The following LRRC4C variants were observed in gnomAD, a reference collection of about 807,000 sequenced individuals.
LRRC4C encodes leucine rich repeat containing 4C.
A neutral mutation model predicts 33.6 loss-of-function variants in LRRC4C; 5 were observed. The observed-to-expected ratio is 0.15, with a 90% CI of 0.08 to 0.31. The LOEUF is 0.31. Among genes scored for constraint, LRRC4C ranks in the 10% least tolerant of loss-of-function variants. The pLI, the probability that LRRC4C is intolerant of heterozygous loss-of-function variation, is 1.00. For missense variants in LRRC4C, 560 were observed against 796.7 expected, an observed-to-expected ratio of 0.70 and a Z score of 3.58; for synonymous variants, 329 against 302.0, an observed-to-expected ratio of 1.09 and a Z score of -0.93.
rs181081935 is a variant in LRRC4C at position 40,891,469 on chromosome 11, C to T, written c.-407+42166G>A. Among the ~76,000 whole-genome samples, 39 of 152,122 alleles carry T rather than the reference C, an allele frequency of 2.6e-4. 1 individual carries two copies. The highest frequency in any genetic ancestry group is 2.0e-3 in the Admixed American group (30 of 15,268). ...ACATCCTTCAGAGAAATAGACAACC[C>T]ACAGAATGGGAGAAAATATTTGCAA... On this transcript the variant is annotated intron_variant, in intron 2 of 6. Coordinates refer to ENST00000528697, the MANE Select transcript of LRRC4C (RefSeq NM_001258419.2).
intron 1 of LRRC4C, among the ~76,000 whole-genome samples, chr11:41,373,210 C>T (rs1050844823): frequency 1.3e-5 from 2 of 151,838 alleles, no homozygotes; most frequent in Non-Finnish European, 2.9e-5. Context: ...ATATTGTATC[C>T]TTTTTTTCAG....
intron 1 of LRRC4C, among the ~76,000 whole-genome samples, chr11:41,381,724 G>A (rs904370531): frequency 6.6e-6 from 1 of 151,358 alleles, no homozygotes; most frequent in Non-Finnish European, 1.5e-5. Flanking sequence ...AGAATTTTTG[G>A]AAATAAGAAA....
At chr11:41,121,531 C>G (rs1347339449) in intron 1 of LRRC4C, among the ~76,000 whole-genome samples, 2 of 152,162 alleles carry the variant, frequency 1.3e-5, no homozygotes, top group African/African-American at 4.8e-5. Context: ...ATTTACTATA[C>G]TATTCAATGC....
chr11:40,453,617 G>A (rs201413812), intron 3 of LRRC4C, among the ~76,000 whole-genome samples: 223 of 143,600 alleles, frequency 1.6e-3, no homozygotes, highest in Middle Eastern at 7.2e-3. Context: ...GGCATTCTAA[G>A]AAAAAAAAAA....
intron 2 of LRRC4C, among the ~76,000 whole-genome samples, chr11:40,747,277 T>C (rs1047723178): frequency 6.6e-6 from 1 of 152,126 alleles, no homozygotes; most frequent in African/African-American, 2.4e-5. Context: ...TGCTAAGCAA[T>C]TCAGAAAATC....
At chr11:40,329,401 A>G (rs1284711588) in intron 3 of LRRC4C, among the ~76,000 whole-genome samples, 1 of 152,166 alleles carries the variant, frequency 6.6e-6, no homozygotes, top group East Asian at 1.9e-4. Flanking sequence ...AACTGGAAAC[A>G]TGCCACGTGA....
At chr11:40,563,015 C>G (rs1957612214) in intron 3 of LRRC4C, among the ~76,000 whole-genome samples, 1 of 151,574 alleles carries the variant, frequency 6.6e-6, no homozygotes, top group African/African-American at 2.4e-5. Context: ...TCTTCCTTCT[C>G]CTCTCCTCTC....
intron 4 of LRRC4C, among the ~76,000 whole-genome samples, chr11:40,271,300 C>T (rs1372179429): frequency 6.6e-6 from 1 of 152,116 alleles, no homozygotes; most frequent in Non-Finnish European, 1.5e-5. Flanking sequence ...TTCAACAACA[C>T]TGAATAGGAG....
chr11:41,405,352 T>C (rs983100083), intron 1 of LRRC4C, among the ~76,000 whole-genome samples: 1 of 152,042 alleles, frequency 6.6e-6, no homozygotes, highest in Non-Finnish European at 1.5e-5. Context: ...TTAAACCCTT[T>C]CCAGAAAGTT....
chr11:41,424,101 T>C (rs1954960603), intron 1 of LRRC4C: 2 of 152,078 alleles, frequency 1.3e-5, no homozygotes, highest in South Asian at 4.1e-4. Context: ...TCTTCATTTC[T>C]CAAATGAAGA....
intron 3 of LRRC4C, among the ~76,000 whole-genome samples, chr11:40,642,907 G>T (rs1942212595): frequency 6.6e-6 from 1 of 152,094 alleles, no homozygotes; most frequent in Non-Finnish European, 1.5e-5. Context: ...CTACAAAAAT[G>T]CTTCCAAGGG....
At chr11:40,730,722 A>G (rs1162423348) in intron 2 of LRRC4C, among the ~76,000 whole-genome samples, 2 of 152,124 alleles carry the variant, frequency 1.3e-5, no homozygotes, top group African/African-American at 4.8e-5. Flanking sequence ...GACTGAGGCT[A>G]TGAATTATTA....
intron 3 of LRRC4C, among the ~76,000 whole-genome samples, chr11:40,474,159 A>C (rs867359999): frequency 2.0e-5 from 3 of 152,146 alleles, no homozygotes; most frequent in African/African-American, 7.2e-5. Context: ...ATCCTAAGCA[A>C]AAAAACAAAG....
chr11:40,649,488 G>A (rs1942658077), intron 2 of LRRC4C, among the ~76,000 whole-genome samples: 1 of 151,982 alleles, frequency 6.6e-6, no homozygotes, highest in Middle Eastern at 3.2e-3. Flanking sequence ...GTCTCCCCTT[G>A]TTCCCTGAAA....
intron 2 of LRRC4C, among the ~76,000 whole-genome samples, chr11:40,748,385 C>T (rs1242009516): frequency 6.6e-6 from 1 of 152,114 alleles, no homozygotes; most frequent in East Asian, 1.9e-4. Context: ...CTCCACTAGA[C>T]TAGCCCTACA....
At chr11:40,558,184 G>A (rs527447928) in intron 3 of LRRC4C, among the ~76,000 whole-genome samples, 1 of 152,306 alleles carries the variant, frequency 6.6e-6, no homozygotes, top group African/African-American at 2.4e-5. Context: ...TACAATTTAT[G>A]AGTCAGAATT....
chr11:40,633,325 T>TTCTCTTTCTTTCTTTCTTTCTTTC lies in LRRC4C; in HGVS notation c.-270+14816_-270+14817insGAAAGAAAGAAAGAAAGAAAGAGA, dbSNP rs772299978. ...AAATCTTAGCTCAGCCAAGTTTTCT[T>TTCTCTTTCTTTCTTTCTTTCTTTC]TTTCTTTCTTTCTTTCTTTCTTTCT... is the stretch of plus-strand genomic sequence containing the variant. On this transcript the variant is annotated intron_variant, in intron 3 of 6. Coordinates refer to ENST00000528697, the MANE Select transcript of LRRC4C (RefSeq NM_001258419.2). Among the ~76,000 whole-genome samples, 130 of 112,248 alleles carry TTCTCTTTCTTTCTTTCTTTCTTTC rather than the reference T, an allele frequency of 1.2e-3. 7 individuals are homozygous for TTCTCTTTCTTTCTTTCTTTCTTTC. Among genetic ancestry groups the TTCTCTTTCTTTCTTTCTTTCTTTC allele is most frequent in the Middle Eastern group, 9.4e-3 (2 of 212 alleles). The allele number at this position is 112,248 out of a possible 152,430, so 73.6% of individuals were successfully genotyped here.
intron 1 of LRRC4C, among the ~76,000 whole-genome samples, chr11:41,316,279 A>AAAAAAAAAAAAAAAAAAAAGAG (rs1555145089): frequency 6.8e-6 from 1 of 147,084 alleles, no homozygotes; most frequent in African/African-American, 2.5e-5. Context: ...AAAAAAAAAA[A>AAAAAAAAAAAAAAAAAAAAGAG]CAAAAAAAAA....
intron 5 of LRRC4C, among the ~76,000 whole-genome samples, chr11:40,183,837 T>C (rs929464811): frequency 1.3e-5 from 2 of 152,256 alleles, no homozygotes; most frequent in Admixed American, 6.5e-5. Context: ...CTTGTGGTTA[T>C]GCTAGAGGTT....
Sources: allele counts gnomAD v4.1 joint callset (sites outside exome capture counted in the v4.1 genomes callset), GRCh38; gene constraint gnomAD v4.1.1; transcripts MANE v1.5; gene names NCBI Gene and HGNC (gene_info 2026-07-23, HGNC 2026-07-21).